Variants in AHNAK2 observed in about 807,000 individuals in gnomAD.
AHNAK2 encodes protein AHNAK2.
Under a neutral mutation model 30.7 loss-of-function variants are expected in AHNAK2, and 18 were observed. The observed-to-expected ratio is 0.59, with a 90% confidence interval of 0.41 to 0.87. AHNAK2 has a LOEUF of 0.87. AHNAK2 is among the 40% of genes least tolerant of loss of function. AHNAK2 has a pLI of 0.00. For missense variants in AHNAK2, 8,604 were observed against 7,373.0 expected, an observed-to-expected ratio of 1.17 and a Z score of -6.11; for synonymous variants, 3,590 against 3,073.8, an observed-to-expected ratio of 1.17 and a Z score of -5.56.
At position 104,953,013 on chromosome 14, in the gene AHNAK2, G is replaced by C; in HGVS notation, c.2438C>G (p.Ala813Gly). The change falls in exon 7 of 7, where the codon GCG becomes GGG. Residue 813 changes from alanine to glycine, a missense_variant. Transcript: ENST00000333244. The part of the protein sequence containing the change: ...VQAPRAKLDG[A>G]RLEGDLSLAD... ...CAGGGACAGGTCCCCCTCCAGCCGC[G>C]CACCATCCAGCTTTGCTCTCGGGGC... The C allele has an allele frequency of 1.2e-6, 2 of 1,612,812 alleles. No homozygotes were observed. Among genetic ancestry groups the C allele is most frequent in the Non-Finnish European group, 8.5e-7 (1 of 1,179,664 alleles).
In AHNAK2 at chr14:104,941,648, T is replaced by A; in HGVS notation, c.13803A>T (p.Pro4601=). The change falls in exon 7 of 7, where the codon CCA becomes CCT. Residue 4601 remains proline, a synonymous_variant. Transcript: ENST00000333244. ...LPSVETDVQA[P]GSMLDGARLE... is the part of the protein sequence containing the mutation. ...GCCGCGCACCATCCAGCATGGATCCTGGGGCCTGGACATCCGTCTCCACGC... is the reference window on the plus strand; with the variant it reads ...GCCGCGCACCATCCAGCATGGATCCAGGGGCCTGGACATCCGTCTCCACGC... 6.2e-7 allele frequency: 1 copy of A among 1,613,526 alleles called. No individual in the cohort carries two copies. The highest frequency in any genetic ancestry group is 2.2e-5 in the East Asian group (1 of 44,858).
At chr14:104,964,979 C>T (rs1442592497) in intron 1 of AHNAK2, among the ~76,000 whole-genome samples, 2 of 152,254 alleles carry the variant, frequency 1.3e-5, no homozygotes, top group Non-Finnish European at 1.5e-5. Flanking sequence ...CCACGGCCCA[C>T]AGGCCGCATG....
Position 104,948,201 on chromosome 14 carries a change from T to C in AHNAK2, c.7250A>G (p.Lys2417Arg), listed in dbSNP as rs1269371350. The part of the protein sequence containing the change: ...PSFKMPKVDL[K>R]GPQIDVKGPK... ...GCCCTTGACATCTATCTGGGGGCCC[T>C]TGAGATCTACTTTGGGCATCTTGAA... Residue 2417 changes from lysine to arginine, a missense_variant, in exon 7 of 7, where the codon AAG becomes AGG. Transcript: ENST00000333244. 5 of 1,612,532 alleles carry C rather than the reference T, an allele frequency of 3.1e-6. No individual in the cohort carries two copies. Among genetic ancestry groups the C allele is most frequent in the Admixed American group, 3.3e-5 (2 of 59,914 alleles).
chr14:104,968,936 G>C (rs1440757699), intron 1 of AHNAK2, among the ~76,000 whole-genome samples: 5 of 152,204 alleles, frequency 3.3e-5, no homozygotes, highest in Non-Finnish European at 5.9e-5. Flanking sequence ...CCCTCGGGCT[G>C]GAAACCTGGT....
At position 104,938,080 on chromosome 14, in the gene AHNAK2, C is replaced by T. The variant is rs1390805139; in HGVS notation, c.17371G>A (p.Gly5791Arg). Residue 5791 changes from glycine to arginine, a missense_variant, in exon 7 of 7, where the codon GGA becomes AGA. Coordinates refer to ENST00000333244, the MANE Select transcript of AHNAK2 (RefSeq NM_138420.4). ...ADDESKGSGLGPNEG is the reference protein window; with the variant it reads ...ADDESKGSGLRPNEG The stretch of plus-strand genomic sequence containing the variant: ...CATACCTCTCAGCCTTCATTTGGTC[C>T]CAGGCCTGACCCTTTGCTTTCATCG... The T allele has an allele frequency of 3.7e-6, 6 of 1,613,288 alleles. No homozygotes were observed. The highest frequency in any genetic ancestry group is 5.1e-6 in the Non-Finnish European group (6 of 1,179,506).
rs535383396 is a variant in AHNAK2 at position 104,951,211 on chromosome 14, G to A, written c.4240C>T (p.Leu1414=). 16 of 1,058,496 alleles carry A rather than the reference G, an allele frequency of 1.5e-5. 4 individuals are homozygous for A. In the South Asian group the frequency reaches 2.4e-4, roughly 16 times the overall value. The allele number at this position is 1,058,496 out of a possible 1,614,324, so 65.6% of individuals were successfully genotyped here. Residue 1414 remains leucine (L), a synonymous_variant, in exon 7 of 7, where the codon CTG becomes TTG. Transcript: ENST00000333244. The stretch of plus-strand genomic sequence containing the variant: ...GGCACCTTGAAACTGGGCATCTGCA[G>A]CTTGGGCAGGTGCCCTTTGAGGCCG... ...GAGLKGHLPK[L]QMPSFKVPKV...
At position 104,942,685 on chromosome 14, in the gene AHNAK2, C is replaced by T. The variant is rs1354672144; in HGVS notation, c.12766G>A (p.Val4256Ile). 7.4e-6 allele frequency: 12 copies of T among 1,612,886 alleles called. No individual in the cohort carries two copies. Among genetic ancestry groups the T allele is most frequent in the East Asian group, 6.7e-5 (3 of 44,760 alleles). Residue 4256 changes from valine (V) to isoleucine (I), a missense_variant, in exon 7 of 7, where the codon GTC becomes ATC. Val to Ile is a conservative substitution (Grantham distance 29, BLOSUM62 3). Coordinates refer to ENST00000333244, the MANE Select transcript of AHNAK2 (RefSeq NM_138420.4). Reference protein sequence around the residue: ...KGPKADVMTPVVEVSLPSMEV... With the variant: ...KGPKADVMTPIVEVSLPSMEV... ...ATGCTGGGCAGAGACACCTCCACGA[C>T]GGGGGTCATCACATCCGCCTTGGGG...
At chr14:104,960,195 T>C (rs1418243289) in intron 1 of AHNAK2, among the ~76,000 whole-genome samples, 6 of 152,180 alleles carry the variant, frequency 3.9e-5, no homozygotes, top group Non-Finnish European at 8.8e-5. Flanking sequence ...ATACAGTATA[T>C]ACGTGACAAT....
chr14:104,962,269 C>A (rs1006856635), intron 1 of AHNAK2, among the ~76,000 whole-genome samples: 2 of 152,172 alleles, frequency 1.3e-5, no homozygotes, highest in Non-Finnish European at 2.9e-5. Flanking sequence ...GGCTCAGAAA[C>A]CTGTCTTGAC....
In AHNAK2 at chr14:104,944,052, T is replaced by A. The variant is rs1898127511; in HGVS notation, c.11399A>T (p.Asp3800Val). Residue 3800 changes from aspartate (D) to valine (V), a missense_variant, in exon 7 of 7, where the codon GAC (aspartate) becomes GTC (valine). Coordinates refer to ENST00000333244, the MANE Select transcript of AHNAK2 (RefSeq NM_138420.4). The stretch of plus-strand genomic sequence containing the variant: ...GAACTTGGGCATTTTGAATTTGCTG[T>A]CTTTGGCAGTCACATCCTTGTCGGC... ...SLADKDVTAK[D>V]SKFKMPKFKM... The A allele has an allele frequency of 2.5e-6, 4 of 1,613,116 alleles. No individual in the cohort carries two copies. The highest frequency in any genetic ancestry group is 3.4e-6 in the Non-Finnish European group (4 of 1,179,572).
At position 104,938,697 on chromosome 14, in the gene AHNAK2, C is replaced by A. The variant is rs112240235; in HGVS notation, c.16754G>T (p.Gly5585Val). ...EMISSSVNVL[G>V]QQTLTFEVPS... ...AACTTCAAATGTGAGTGTTTGCTGT[C>A]CCAGTACATTGACGCTGGAAGAGAT... is the stretch of plus-strand genomic sequence containing the variant. Residue 5585 changes from glycine to valine, a missense_variant, in exon 7 of 7, where the codon GGA (glycine) becomes GTA (valine). Coordinates refer to ENST00000333244, the MANE Select transcript of AHNAK2 (RefSeq NM_138420.4). 1 of 1,613,220 alleles carries A rather than the reference C, an allele frequency of 6.2e-7. No individual in the cohort carries two copies. Among genetic ancestry groups the A allele is most frequent in the Non-Finnish European group, 8.5e-7 (1 of 1,179,624 alleles).
Position 104,937,915 on chromosome 14 carries a change from G to T in AHNAK2, c.*148C>A, listed in dbSNP as rs893906412. On this transcript the variant is annotated 3_prime_UTR_variant, in exon 7 of 7. Coordinates refer to ENST00000333244, the MANE Select transcript of AHNAK2 (RefSeq NM_138420.4). ...AGGAGGGCTGTGTGATGGTGACAAAGGTGTTCTGGTCATTTCTGCTCTGTT... is the reference window on the plus strand; with the variant it reads ...AGGAGGGCTGTGTGATGGTGACAAATGTGTTCTGGTCATTTCTGCTCTGTT... The T allele has an allele frequency of 4.1e-5, 33 of 806,136 alleles. No individual in the cohort carries two copies. The highest frequency in any genetic ancestry group is 5.9e-5 in the Non-Finnish European group (32 of 539,472). 49.9% of individuals were successfully genotyped at this position (806,136 alleles called of 1,614,324 possible).
rs776061423 is a variant in AHNAK2, at chr14:104,953,096, C to T, written c.2355G>A (p.Ala785=). 2.2e-5 allele frequency: 35 copies of T among 1,613,292 alleles called. No individual in the cohort carries two copies. The highest frequency in any genetic ancestry group is 6.7e-5 in the African/African-American group (5 of 74,602). Residue 785 remains alanine (A), a synonymous_variant, in exon 7 of 7, where the codon GCG becomes GCA. Coordinates refer to ENST00000333244, the MANE Select transcript of AHNAK2 (RefSeq NM_138420.4). ...TCTTCACATCGGGGGCTGTCACTTCCGCCTTGGGGCCTTTCAGGTCCAGCT... is the reference window on the plus strand; with the variant it reads ...TCTTCACATCGGGGGCTGTCACTTCTGCCTTGGGGCCTTTCAGGTCCAGCT... ...GPKLDLKGPK[A]EVTAPDVKMS...
rs769710789 is a variant in AHNAK2, at chr14:104,944,945, C to T, written c.10506G>A (p.Lys3502=). The T allele has an allele frequency of 2.2e-5, 36 of 1,613,152 alleles. No individual in the cohort carries two copies. The highest frequency in any genetic ancestry group is 1.2e-4 in the African/African-American group (9 of 74,792). The change falls in exon 7 of 7, where the codon AAG becomes AAA. Residue 3502 remains lysine (K), a synonymous_variant. Transcript: ENST00000333244. ...AGGAGAGGCTCACGTCGGCCTCCAC[C>T]TTCGGCGCAGACACATCCAGCGAGG... is the stretch of plus-strand genomic sequence containing the variant. ...IEASLDVSAP[K]VEADVSLSSM...
Position 104,952,679 on chromosome 14 carries a change from G to A in AHNAK2, c.2772C>T (p.Phe924=). The change falls in exon 7 of 7, where the codon TTC becomes TTT. Residue 924 remains phenylalanine (F), a synonymous_variant. Transcript: ENST00000333244. ...CCTTGAGGTCCACTTTGGGCATCTT[G>A]AAACTGGGCATCTCCACTTTGGGCA... ...VHLPKVEMPS[F]KMPKVDLKGP... 1.9e-6 allele frequency: 3 copies of A among 1,612,060 alleles called. No homozygotes were observed. The highest frequency in any genetic ancestry group is 1.7e-5 in the Admixed American group (1 of 59,876).
chr14:104,941,624 C>T lies in AHNAK2; in HGVS notation c.13827G>A (p.Arg4609=). The T allele has an allele frequency of 6.2e-7, 1 of 1,613,600 alleles. No individual in the cohort carries two copies. Among genetic ancestry groups the T allele is most frequent in the Non-Finnish European group, 8.5e-7 (1 of 1,179,884 alleles). The change falls in exon 7 of 7, where the codon CGG becomes CGA. Residue 4609 remains arginine (R), a synonymous_variant. Transcript: ENST00000333244. Reference sequence around the variant, plus strand: ...GGGCCAGGGACAGGTCCCCCTCAAGCCGCGCACCATCCAGCATGGATCCTG... The same window carrying T: ...GGGCCAGGGACAGGTCCCCCTCAAGTCGCGCACCATCCAGCATGGATCCTG... ...QAPGSMLDGA[R]LEGDLSLAHE...
rs372953948 is a variant in AHNAK2, at chr14:104,944,596, G to A, written c.10855C>T (p.Arg3619Trp). ...GCCAGGGACAGGTCTCCCTCCAGCC[G>A]CCCAGCATCCAGCTTGGCCTTCGGG... is the stretch of plus-strand genomic sequence containing the variant. The part of the protein sequence containing the change: ...QAPKAKLDAG[R>W]LEGDLSLADK... The change falls in exon 7 of 7, where the codon CGG becomes TGG. Residue 3619 changes from arginine (R) to tryptophan (W), a missense_variant. By Grantham distance (101) the Arg-to-Trp change is moderately radical (BLOSUM62 -3). Transcript: ENST00000333244. 58 of 1,612,828 alleles carry A rather than the reference G, an allele frequency of 3.6e-5. No individual in the cohort carries two copies. Among genetic ancestry groups the A allele is most frequent in the Admixed American group, 1.2e-4 (7 of 59,906 alleles).
chr14:104,960,293 C>A (rs1899100275), intron 1 of AHNAK2, among the ~76,000 whole-genome samples: 1 of 152,132 alleles, frequency 6.6e-6, no homozygotes, highest in Non-Finnish European at 1.5e-5. Flanking sequence ...AAACTTGGGT[C>A]AAAAATGTTC....
In AHNAK2 at chr14:104,942,803, G is replaced by A. The variant is rs376316122; in HGVS notation, c.12648C>T (p.Leu4216=). ...TCAAACAGGGCATCTGCACCTTGGG[G>A]AGGTGCCCTTTGAGGCCGGCTCCCT... The part of the protein sequence containing the change: ...LPKGAGLKGH[L]PKVQMPCLKM... The change falls in exon 7 of 7, where the codon CTC becomes CTT. Residue 4216 remains leucine, a synonymous_variant. Transcript: ENST00000333244. The A allele has an allele frequency of 6.2e-7, 1 of 1,609,134 alleles. No individual in the cohort carries two copies. Among genetic ancestry groups the A allele is most frequent in the Middle Eastern group, 1.7e-4 (1 of 6,008 alleles).
Sources: gnomAD v4.1 joint callset for allele counts (sites outside exome capture counted in the v4.1 genomes callset) on GRCh38, gnomAD v4.1.1 for gene constraint, MANE v1.5 for transcripts, NCBI Gene and HGNC (gene_info 2026-07-23, HGNC 2026-07-21) for gene names.